The following NPAT variants were observed in gnomAD, a reference collection of about 807,000 sequenced individuals.
NPAT encodes nuclear protein, coactivator of histone transcription, also known as protein NPAT.
In NPAT, 52 loss-of-function variants were observed where a neutral mutation model predicts 130.7. The ratio of observed to expected loss-of-function variants is 0.40; its 90% CI spans 0.32 to 0.50. The LOEUF is 0.50. Among genes scored for constraint, NPAT ranks in the 20% least tolerant of loss-of-function variants. The pLI is 0.68. For missense variants in NPAT, 1,687 were observed against 1,662.6 expected, an observed-to-expected ratio of 1.01 and a Z score of -0.26; for synonymous variants, 580 against 584.8, an observed-to-expected ratio of 0.99 and a Z score of 0.12.
At chr11:108,200,189 A>T (rs2078262042) in intron 1 of NPAT, among the ~76,000 whole-genome samples, 1 of 152,196 alleles carries the variant, frequency 6.6e-6, no homozygotes, top group African/African-American at 2.4e-5. Context: ...GAGTCAGCAC[A>T]GTCCTATGAC....
At chr11:108,163,220 C>T (rs1251290405) in intron 15 of NPAT, among the ~76,000 whole-genome samples, 1 of 152,132 alleles carries the variant, frequency 6.6e-6, no homozygotes, top group Non-Finnish European at 1.5e-5. Flanking sequence ...GCTGGGATTA[C>T]AGGTGCACGC....
In NPAT at chr11:108,158,723, A is replaced by G. The variant is rs2077818153; in HGVS notation, c.*219T>C. 1 of 479,898 alleles carries G rather than the reference A, an allele frequency of 2.1e-6. No homozygotes were observed. Among genetic ancestry groups the G allele is most frequent in the Non-Finnish European group, 3.8e-6 (1 of 264,290 alleles). 29.7% of individuals were successfully genotyped at this position (479,898 alleles called of 1,614,324 possible). On this transcript the variant is annotated 3_prime_UTR_variant, in exon 18 of 18. Coordinates refer to ENST00000278612, the MANE Select transcript of NPAT (RefSeq NM_002519.3). ...AGTTTTGCAGATTGGCTTTACTTAC[A>G]TTTCTGCAAACGTTTTTCCCAAAAT...
rs750515501 is a variant in NPAT, at chr11:108,172,791, C to T, written c.2193G>A (p.Glu731=). Residue 731 remains glutamate, a synonymous_variant, in exon 13 of 18, where the codon GAG becomes GAA. Transcript: ENST00000278612. ...GAGAGACGATATTTGATGCATCTATCTCTGCTGAGTTGTTGCTAGAAGGTT... is the reference window on the plus strand; with the variant it reads ...GAGAGACGATATTTGATGCATCTATTTCTGCTGAGTTGTTGCTAGAAGGTT... The part of the protein sequence containing the change: ...DDKPSSNNSA[E]IDASNIVSLK... 5.0e-6 allele frequency: 8 copies of T among 1,613,760 alleles called. No individual in the cohort carries two copies. The South Asian group carries it at 7.7e-5, about 16-fold the overall frequency.
Position 108,188,967 on chromosome 11 carries a change from T to C in NPAT, c.556+139A>G, listed in dbSNP as rs1208744324. 5 of 712,126 alleles carry C rather than the reference T, an allele frequency of 7.0e-6. No individual in the cohort carries two copies. In the Admixed American group the frequency reaches 1.1e-4, roughly 16 times the overall value. The allele number at this position is 712,126 out of a possible 1,614,324, so 44.1% of individuals were successfully genotyped here. On this transcript the variant is annotated intron_variant, in intron 6 of 17. Coordinates refer to ENST00000278612, the MANE Select transcript of NPAT (RefSeq NM_002519.3). ...TATATGCTTATAGCAAATCTAGAAG[T>C]CTGTTCCACTTTTAGTCTCTCTCAT...
In NPAT at chr11:108,199,697, TG is replaced by T. The variant is rs575424707; in HGVS notation, c.38-2278del. 7.2e-4 allele frequency among the ~76,000 whole-genome samples: 109 copies of T among 152,330 alleles called. 1 individual carries two copies. Among genetic ancestry groups the T allele is most frequent in the African/African-American group, 2.5e-3 (103 of 41,582 alleles). On this transcript the variant is annotated intron_variant, in intron 1 of 17. Transcript: ENST00000278612. The stretch of plus-strand genomic sequence containing the variant: ...CATCACCCTCGGGTACTGGGAATGT[TG>T]GCTTTGTTTCAATCCAGTCTCCCTT...
intron 3 of NPAT, 152 bp downstream of exon 3, chr11:108,193,805 T>A: frequency 1.8e-6 from 1 of 555,752 alleles, no homozygotes; most frequent in Non-Finnish European, 3.3e-6. Flanking sequence ...ACAAATTAGA[T>A]GTGTCCCAGA....
chr11:108,200,523 C>T lies in NPAT; in HGVS notation c.38-3103G>A, dbSNP rs78019530. Among the ~76,000 whole-genome samples the T allele has an allele frequency of 4.3e-3, 659 of 152,252 alleles. 5 individuals are homozygous for T. The highest frequency in any genetic ancestry group is 0.012 in the East Asian group (61 of 5,174). On this transcript the variant is annotated intron_variant, in intron 1 of 17. Coordinates refer to ENST00000278612, the MANE Select transcript of NPAT (RefSeq NM_002519.3). ...ATATTAATTAACCCAGAAGTCTGGGCAACTGAAAGGAAAATTGGTGCAGCC... is the reference window on the plus strand; with the variant it reads ...ATATTAATTAACCCAGAAGTCTGGGTAACTGAAAGGAAAATTGGTGCAGCC...
intron 1 of NPAT, 58 bp downstream of exon 1, chr11:108,222,442 G>A (rs2078534294): frequency 1.3e-6 from 2 of 1,591,876 alleles, no homozygotes; most frequent in South Asian, 1.1e-5. Context: ...TGGCCTCAAA[G>A]GTCCTTCTGT....
At chr11:108,204,139 G>C (rs376633322) in intron 1 of NPAT, among the ~76,000 whole-genome samples, 14 of 152,302 alleles carry the variant, frequency 9.2e-5, no homozygotes, top group African/African-American at 3.4e-4. Flanking sequence ...CTTCTTCAGA[G>C]GGAGGATTGA....
At chr11:108,193,122 T>C (rs373510735) in intron 3 of NPAT, among the ~76,000 whole-genome samples, 80 of 152,226 alleles carry the variant, frequency 5.3e-4, no homozygotes, top group Admixed American at 3.3e-3. Context: ...TTGTAAGCTA[T>C]TGAAAATAAT....
chr11:108,165,938 C>G (rs556952833), intron 15 of NPAT, among the ~76,000 whole-genome samples: 3 of 150,586 alleles, frequency 2.0e-5, no homozygotes, highest in Non-Finnish European at 4.4e-5. Flanking sequence ...CAGCCCATAC[C>G]TGGCTAATTT....
intron 1 of NPAT, among the ~76,000 whole-genome samples, chr11:108,205,596 A>C (rs1256256510): frequency 6.6e-6 from 1 of 152,106 alleles, no homozygotes; most frequent in Non-Finnish European, 1.5e-5. Context: ...ATCTAACAAG[A>C]CTCCAAACTA....
chr11:108,185,285 C>G lies in NPAT; in HGVS notation c.853G>C (p.Asp285His). The change falls in exon 10 of 18, where the codon GAT becomes CAT. Residue 285 changes from aspartate (D) to histidine (H), a missense_variant. Coordinates refer to ENST00000278612, the MANE Select transcript of NPAT (RefSeq NM_002519.3). ...GTCTCTGGCTCCGTAGGGTTGTTAT[C>G]TGTTTGCTTAGGTACTTGGGCAATA... ...NNIAQVPKQTDNNPTEPETSI... is the reference protein window; with the variant it reads ...NNIAQVPKQTHNNPTEPETSI... The G allele has an allele frequency of 6.2e-7, 1 of 1,612,294 alleles. No individual in the cohort carries two copies. The highest frequency in any genetic ancestry group is 8.5e-7 in the Non-Finnish European group (1 of 1,178,948).
At chr11:108,216,093 T>A (rs1052889601) in intron 1 of NPAT, among the ~76,000 whole-genome samples, 1 of 148,642 alleles carries the variant, frequency 6.7e-6, no homozygotes. Flanking sequence ...AATTTAAAAC[T>A]TCTACAGACT....
At chr11:108,211,307 C>T (rs149681294) in intron 1 of NPAT, among the ~76,000 whole-genome samples, 111 of 152,170 alleles carry the variant, frequency 7.3e-4, no homozygotes, top group African/African-American at 2.6e-3. Context: ...TGTGGGAGGC[C>T]GAGGCAGGAG....
intron 15 of NPAT, among the ~76,000 whole-genome samples, chr11:108,165,450 A>ATT (rs1429829795): frequency 5.6e-4 from 63 of 113,382 alleles, no homozygotes; most frequent in African/African-American, 1.7e-3. Context: ...ACACATATGT[A>ATT]TTTATATATA....
chr11:108,173,046 A>T lies in NPAT; in HGVS notation c.1938T>A (p.His646Gln). ...SNDSASVELNHTENEAQASKS... is the reference protein window; with the variant it reads ...SNDSASVELNQTENEAQASKS... ...TGGATGCCTGAGCTTCATTTTCTGT[A>T]TGATTTAACTCAACAGATGCTGAAT... The change falls in exon 13 of 18, where the codon CAT (histidine) becomes CAA (glutamine). Residue 646 changes from histidine to glutamine, a missense_variant. Coordinates refer to ENST00000278612, the MANE Select transcript of NPAT (RefSeq NM_002519.3). The T allele has an allele frequency of 6.2e-7, 1 of 1,614,034 alleles. No homozygotes were observed. The highest frequency in any genetic ancestry group is 1.6e-4 in the Middle Eastern group (1 of 6,062).
At chr11:108,167,615 A>G (rs867441915) in intron 15 of NPAT, among the ~76,000 whole-genome samples, 1 of 152,242 alleles carries the variant, frequency 6.6e-6, no homozygotes, top group Non-Finnish European at 1.5e-5. Context: ...AAAACTGATT[A>G]CTTAATAATT....
At chr11:108,195,035 G>A (rs1288618372) in intron 2 of NPAT, among the ~76,000 whole-genome samples, 2 of 151,630 alleles carry the variant, frequency 1.3e-5, no homozygotes, top group Admixed American at 6.6e-5. Context: ...TCTTGGCCAG[G>A]ATGGTCTTGA....
Sources: allele counts gnomAD v4.1 joint callset (sites outside exome capture counted in the v4.1 genomes callset), GRCh38; gene constraint gnomAD v4.1.1; transcripts MANE v1.5; gene names NCBI Gene and HGNC (gene_info 2026-07-23, HGNC 2026-07-21).